The following IGSF11 variants were observed in gnomAD, a reference collection of about 807,000 sequenced individuals.
IGSF11 encodes CXADR like 1.
A neutral mutation model predicts 41.0 loss-of-function variants in IGSF11; 22 were observed. The ratio of observed to expected loss-of-function variants is 0.54; its 90% CI spans 0.38 to 0.77. IGSF11 has a LOEUF of 0.77. IGSF11 is among the 30% of genes least tolerant of loss of function. The probability of loss-of-function intolerance (pLI) is 0.00; values close to 1 mark genes in which losing one functional copy is unlikely to be tolerated. For missense variants in IGSF11, 444 were observed against 530.8 expected (o/e 0.84, Z 1.61); for synonymous variants, 219 against 201.3 (o/e 1.09, Z -0.74).
At chr3:118,980,802 CA>C (rs1214038364) in intron 1 of IGSF11, among the ~76,000 whole-genome samples, 2 of 152,168 alleles carry the variant, frequency 1.3e-5, no homozygotes, top group African/African-American at 4.8e-5. Flanking sequence ...TTAATATGTA[CA>C]AATATAATGT....
intron 1 of IGSF11, among the ~76,000 whole-genome samples, chr3:118,995,513 T>C (rs565339594): frequency 1.3e-5 from 2 of 152,226 alleles, no homozygotes; most frequent in African/African-American, 2.4e-5. Context: ...GATCAGTACC[T>C]AAAACAACAA....
chr3:118,922,403 CTACCTTTGTG>C, intron 4 of IGSF11, among the ~76,000 whole-genome samples: 1 of 127,382 alleles, frequency 7.9e-6, no homozygotes, highest in East Asian at 2.0e-4. Flanking sequence ...CATCACATAA[CTACCTTTGTG>C]TGTGTGTGTG....
chr3:119,086,237 T>C (rs183395157), intron 1 of IGSF11, among the ~76,000 whole-genome samples: 96 of 152,322 alleles, frequency 6.3e-4, no homozygotes, highest in African/African-American at 2.3e-3. Flanking sequence ...CAAGGGATTA[T>C]GTAAAGAGAC....
At chr3:118,964,763 G>A (rs1480917966) in intron 1 of IGSF11, among the ~76,000 whole-genome samples, 1 of 152,076 alleles carries the variant, frequency 6.6e-6, no homozygotes, top group Admixed American at 6.5e-5. Context: ...ATTAGGAAAT[G>A]TCTACCAAAT....
At chr3:119,005,687 T>G (rs1276417532) in intron 1 of IGSF11, among the ~76,000 whole-genome samples, 1 of 113,940 alleles carries the variant, frequency 8.8e-6, no homozygotes, top group Non-Finnish European at 1.7e-5. Flanking sequence ...AGCATTTGCT[T>G]GTCTGTAAAG....
intron 3 of IGSF11, among the ~76,000 whole-genome samples, chr3:118,927,164 T>C (rs1021817825): frequency 6.6e-6 from 1 of 152,124 alleles, no homozygotes; most frequent in African/African-American, 2.4e-5. Context: ...TAGAGAATCC[T>C]AACTACTGCG....
rs2107715510 is a variant in IGSF11, at chr3:119,022,577, T to A, written c.52+11954A>T. Reference sequence around the variant, plus strand: ...GCAAATGACTTGAATAGAAAATTTGTAAAAGACAATACCTAAATGCTAGTA... The same window carrying A: ...GCAAATGACTTGAATAGAAAATTTGAAAAAGACAATACCTAAATGCTAGTA... On this transcript the variant is annotated intron_variant, in intron 1 of 6. Transcript: ENST00000393775. 1.3e-5 allele frequency among the ~76,000 whole-genome samples: 2 copies of A among 152,248 alleles called. 1 individual carries two copies. The highest frequency in any genetic ancestry group is 4.1e-4 in the South Asian group (2 of 4,828).
rs375831042 is a variant in IGSF11, at chr3:119,115,205, A to T, written c.-13-10000T>A. ...GCTATTGTAAATAGTGCTGCAATAAACATGAAAGTGCAGCTATCTCTTTGA... is the reference window on the plus strand; with the variant it reads ...GCTATTGTAAATAGTGCTGCAATAATCATGAAAGTGCAGCTATCTCTTTGA... On this transcript the variant is annotated intron_variant, in intron 1 of 7. Coordinates refer to the IGSF11 transcript ENST00000425327. Among the ~76,000 whole-genome samples the T allele has an allele frequency of 6.6e-5, 10 of 152,298 alleles. No homozygotes were observed. The East Asian group carries it at 1.4e-3, about 21-fold the overall frequency.
intron 1 of IGSF11, among the ~76,000 whole-genome samples, chr3:119,126,267 G>C (rs536545610): frequency 2.0e-5 from 3 of 152,366 alleles, no homozygotes; most frequent in Non-Finnish European, 2.9e-5. Context: ...AGCAGCCAGA[G>C]TGCCTCTTCA....
At chr3:119,041,555 A>G (rs1941118836) in intron 1 of IGSF11, among the ~76,000 whole-genome samples, 1 of 152,210 alleles carries the variant, frequency 6.6e-6, no homozygotes, top group Non-Finnish European at 1.5e-5. Context: ...ACCACACTCC[A>G]GCCTGGGCAA....
intron 1 of IGSF11, among the ~76,000 whole-genome samples, chr3:118,989,111 A>G (rs543555583): frequency 3.5e-4 from 54 of 152,332 alleles, no homozygotes; most frequent in African/African-American, 1.1e-3. Flanking sequence ...TAAGATTTTG[A>G]GAGGAGGGAA....
chr3:118,993,945 C>T (rs939828844), intron 1 of IGSF11, among the ~76,000 whole-genome samples: 23 of 152,138 alleles, frequency 1.5e-4, no homozygotes, highest in Non-Finnish European at 3.4e-4. Flanking sequence ...TAATGGTACT[C>T]GCTGCATAAA....
intron 1 of IGSF11, among the ~76,000 whole-genome samples, chr3:119,058,243 C>A (rs1291129980): frequency 1.3e-5 from 2 of 152,052 alleles, no homozygotes; most frequent in African/African-American, 4.8e-5. Flanking sequence ...GGGCTAATAT[C>A]CAGAATCTAC....
At chr3:118,937,452 T>C (rs1943367431) in intron 1 of IGSF11, among the ~76,000 whole-genome samples, 1 of 152,192 alleles carries the variant, frequency 6.6e-6, no homozygotes, top group Non-Finnish European at 1.5e-5. Flanking sequence ...TTTAATTAGA[T>C]GAAATAATCT....
intron 1 of IGSF11, among the ~76,000 whole-genome samples, chr3:118,976,555 T>C (rs1559988103): frequency 6.6e-6 from 1 of 152,158 alleles, no homozygotes; most frequent in Non-Finnish European, 1.5e-5. Flanking sequence ...TCCATGCTGC[T>C]ACAGCGAGTA....
chr3:119,057,993 C>G (rs536590633), intron 1 of IGSF11, among the ~76,000 whole-genome samples: 6 of 152,098 alleles, frequency 3.9e-5, no homozygotes, highest in African/African-American at 1.2e-4. Context: ...TAAAGACTTA[C>G]ATGTTAGACC....
chr3:118,912,071 T>C (rs190086708), intron 4 of IGSF11, among the ~76,000 whole-genome samples: 36 of 152,322 alleles, frequency 2.4e-4, no homozygotes, highest in Middle Eastern at 3.4e-3. Context: ...TAACCATTAA[T>C]AATGAAAATA....
intron 1 of IGSF11, among the ~76,000 whole-genome samples, chr3:118,944,529 T>C (rs1943970425): frequency 6.7e-6 from 1 of 148,744 alleles, no homozygotes; most frequent in Admixed American, 6.7e-5. Flanking sequence ...TTTCTACCCA[T>C]CCTTCAGATT....
intron 1 of IGSF11, among the ~76,000 whole-genome samples, chr3:119,076,565 G>T (rs1559853528): frequency 1.3e-5 from 2 of 151,868 alleles, no homozygotes; most frequent in African/African-American, 4.8e-5. Flanking sequence ...AAATTTACAA[G>T]AAAAAAACAA....
Sources: gnomAD v4.1 joint callset for allele counts (sites outside exome capture counted in the v4.1 genomes callset) on GRCh38, gnomAD v4.1.1 for gene constraint, MANE v1.5 for transcripts, NCBI Gene and HGNC (gene_info 2026-07-23, HGNC 2026-07-21) for gene names.